Variants in ST18 observed in about 807,000 individuals in gnomAD.
ST18 encodes suppression of tumorigenicity 18 protein.
ST18 carries 50 observed loss-of-function variants against 110.0 expected under a neutral mutation model. The observed-to-expected ratio is 0.45, with a 90% CI of 0.36 to 0.58. The LOEUF (loss-of-function observed/expected upper bound fraction) is 0.58, where lower values mean the gene tolerates loss of function less well. Ranked by LOEUF, ST18 falls within the 20% of genes least tolerant of loss-of-function variation. The pLI, the probability that ST18 is intolerant of heterozygous loss-of-function variation, is 0.00. For synonymous variants in ST18, 461 were observed against 452.4 expected (o/e 1.02, Z -0.24); for missense variants, 1,306 against 1,280.1 (o/e 1.02, Z -0.31).
chr8:52,133,159 G>T (rs1292606386), intron 20 of ST18, 22 bp from the exon 21 acceptor site: 1 of 1,614,174 alleles, frequency 6.2e-7, no homozygotes, highest in East Asian at 2.2e-5. Flanking sequence ...ACCCGACAAA[G>T]AACAAAGCAA....
chr8:52,325,479 A>G (rs1380610602), intron 2 of ST18, among the ~76,000 whole-genome samples: 1 of 152,226 alleles, frequency 6.6e-6, no homozygotes, highest in Non-Finnish European at 1.5e-5. Context: ...GTATTACCAT[A>G]TCTAAGAATG....
At chr8:52,169,355 CTCATGTAATGGTTCATAGTGTTCCCCT>C (rs1405844728) in intron 10 of ST18, among the ~76,000 whole-genome samples, 1 of 152,122 alleles carries the variant, frequency 6.6e-6, no homozygotes, top group Admixed American at 6.6e-5. Flanking sequence ...ACCTGATGTA[CTCATGTAATGGTTCATAGTGTTCCCCT>C]TTTCATAGGC....
chr8:52,124,558 A>G (rs770579226), intron 23 of ST18, among the ~76,000 whole-genome samples: 3 of 152,194 alleles, frequency 2.0e-5, no homozygotes, highest in South Asian at 2.1e-4. Context: ...AAATAAGGAG[A>G]TAAATAAATA....
intron 23 of ST18, among the ~76,000 whole-genome samples, chr8:52,124,264 C>T (rs1218372032): frequency 6.6e-6 from 1 of 152,056 alleles, no homozygotes; most frequent in East Asian, 1.9e-4. Context: ...CAACCTCTGC[C>T]TCCAGGGTTC....
chr8:52,400,233 TTTCA>T (rs1378907467), intron 2 of ST18, among the ~76,000 whole-genome samples: 2 of 152,114 alleles, frequency 1.3e-5, no homozygotes, highest in Non-Finnish European at 2.9e-5. Context: ...ATCTCTGCTC[TTTCA>T]GTTACTATTT....
chr8:52,230,342 T>A (rs764826769), intron 2 of ST18, among the ~76,000 whole-genome samples: 16 of 151,880 alleles, frequency 1.1e-4, no homozygotes, highest in Non-Finnish European at 1.9e-4. Context: ...TGTTTATAAG[T>A]ATATTTGAGA....
At chr8:52,356,377 C>G (rs1472150617) in intron 2 of ST18, among the ~76,000 whole-genome samples, 1 of 152,154 alleles carries the variant, frequency 6.6e-6, no homozygotes, top group Non-Finnish European at 1.5e-5. Context: ...TAACAGCACA[C>G]AGACTTCAGC....
intron 2 of ST18, chr8:52,393,891 A>C (rs1393346874): frequency 6.6e-6 from 1 of 152,248 alleles, no homozygotes; most frequent in African/African-American, 2.4e-5. Flanking sequence ...TCAAAAAAAA[A>C]AAAAAAAAAA....
Position 52,122,928 on chromosome 8 carries a change from CT to C in ST18, c.2755+3123del, listed in dbSNP as rs1185408218. On this transcript the variant is annotated intron_variant, in intron 23 of 25. Transcript: ENST00000689386. The stretch of plus-strand genomic sequence containing the variant: ...ATATCTAGAAATAAATTATATATAA[CT>C]ATATTTAGGACACACTATTTTGTCA... 5.2e-4 allele frequency among the ~76,000 whole-genome samples: 79 copies of C among 152,056 alleles called. 3 individuals are homozygous for C. The South Asian group carries it at 0.016, about 31-fold the overall frequency.
chr8:52,147,500 T>C (rs535333347), intron 16 of ST18, among the ~76,000 whole-genome samples: 1 of 152,190 alleles, frequency 6.6e-6, no homozygotes, highest in South Asian at 2.1e-4. Flanking sequence ...GAGAACCTAT[T>C]TGAAGCAAAT....
intron 2 of ST18, among the ~76,000 whole-genome samples, chr8:52,280,028 TACAGGAG>T (rs1283657769): frequency 1.3e-5 from 2 of 152,104 alleles, no homozygotes; most frequent in African/African-American, 4.8e-5. Context: ...TTGAAAATAA[TACAGGAG>T]ACAGGAGGGT....
chr8:52,284,435 A>G (rs561916463), intron 2 of ST18, among the ~76,000 whole-genome samples: 6 of 152,202 alleles, frequency 3.9e-5, no homozygotes, highest in African/African-American at 1.4e-4. Flanking sequence ...CCCAGAGTTC[A>G]GGGAAATGAG....
At chr8:52,274,592 C>T (rs945534216) in intron 2 of ST18, among the ~76,000 whole-genome samples, 2 of 144,088 alleles carry the variant, frequency 1.4e-5, no homozygotes, top group East Asian at 3.9e-4. Context: ...GAAAAGGAGA[C>T]AAGGGTAGGT....
intron 2 of ST18, among the ~76,000 whole-genome samples, chr8:52,310,460 G>A (rs1280031306): frequency 2.0e-5 from 3 of 152,148 alleles, no homozygotes; most frequent in Non-Finnish European, 4.4e-5. Flanking sequence ...CTGTGACATA[G>A]TTTCGATTGT....
At chr8:52,188,464 A>AG (rs2073232831) in intron 8 of ST18, among the ~76,000 whole-genome samples, 1 of 152,196 alleles carries the variant, frequency 6.6e-6, no homozygotes, top group Non-Finnish European at 1.5e-5. Flanking sequence ...ACAGTGAAGG[A>AG]GGAGGAATAA....
chr8:52,244,128 C>T lies in ST18; in HGVS notation c.-464-14051G>A, dbSNP rs185793514. Among the ~76,000 whole-genome samples, 19 of 152,242 alleles carry T rather than the reference C, an allele frequency of 1.2e-4. No homozygotes were observed. The East Asian group carries it at 3.7e-3, about 29-fold the overall frequency. On this transcript the variant is annotated intron_variant, in intron 2 of 25. Coordinates refer to ENST00000689386, the MANE Select transcript of ST18 (RefSeq NM_001352837.2). ...TTGGGTATGGAACTTCACCAAACTTCAAATGTTTACAGTGGCAAAGACGGG... is the reference window on the plus strand; with the variant it reads ...TTGGGTATGGAACTTCACCAAACTTTAAATGTTTACAGTGGCAAAGACGGG...
At chr8:52,243,951 TG>T (rs1274813792) in intron 2 of ST18, among the ~76,000 whole-genome samples, 6 of 152,170 alleles carry the variant, frequency 3.9e-5, no homozygotes, top group Admixed American at 3.9e-4. Context: ...CAGGTAGCCC[TG>T]GATCCTATGG....
chr8:52,348,229 C>G (rs560638173), intron 2 of ST18, among the ~76,000 whole-genome samples: 46 of 152,018 alleles, frequency 3.0e-4, no homozygotes, highest in Admixed American at 5.9e-4. Flanking sequence ...ATTTACAAAC[C>G]CCAGTTCTCT....
Position 52,382,872 on chromosome 8 carries a change from G to A in ST18, c.-465+26456C>T, listed in dbSNP as rs1049006718. On this transcript the variant is annotated intron_variant, in intron 2 of 25. Transcript: ENST00000689386. ...CAGCCAGGAGAGATGGCTCTCGGGG[G>A]ACACGCCCTAGGGAAGTGGACATTC... 5.9e-5 allele frequency among the ~76,000 whole-genome samples: 9 copies of A among 152,048 alleles called. No homozygotes were observed. In the East Asian group the frequency reaches 1.7e-3, roughly 29 times the overall value.
Sources: gnomAD v4.1 joint callset for allele counts (sites outside exome capture counted in the v4.1 genomes callset) on GRCh38, gnomAD v4.1.1 for gene constraint, MANE v1.5 for transcripts, NCBI Gene and HGNC (gene_info 2026-07-23, HGNC 2026-07-21) for gene names.